AGAP9: variants seen among roughly 807,000 people sequenced by gnomAD.
The protein encoded by AGAP9 is arf-GAP with GTPase, ANK repeat and PH domain-containing protein 9.
Under a neutral mutation model 55.6 loss-of-function variants are expected in AGAP9, and 23 were observed. That is an observed-to-expected ratio of 0.41 (90% CI 0.30 to 0.59). The LOEUF (loss-of-function observed/expected upper bound fraction) is 0.59, where lower values mean the gene tolerates loss of function less well. Among genes scored for constraint, AGAP9 ranks in the 20% least tolerant of loss-of-function variants. The probability of loss-of-function intolerance (pLI) is 0.25; values close to 1 mark genes in which losing one functional copy is unlikely to be tolerated. For synonymous variants in AGAP9, 120 were observed against 305.0 expected, an observed-to-expected ratio of 0.39 and a Z score of 6.32; for missense variants, 309 against 808.1, an observed-to-expected ratio of 0.38 and a Z score of 7.49.
At position 47,511,021 on chromosome 10, in the gene AGAP9, G is replaced by C. The variant is rs1214428496; in HGVS notation, c.397-750C>G. Reference sequence around the variant, plus strand: ...TGCAGTGGCGCGATCTCGGCTCACTGCAAGCTCCGCCTCCCGGGTTCACGC... The same window carrying C: ...TGCAGTGGCGCGATCTCGGCTCACTCCAAGCTCCGCCTCCCGGGTTCACGC... On this transcript the variant is annotated intron_variant, in intron 4 of 7. Transcript: ENST00000452145. 1.6e-4 allele frequency among the ~76,000 whole-genome samples: 20 copies of C among 126,840 alleles called. 6 individuals carry two copies. Among genetic ancestry groups the C allele is most frequent in the Admixed American group, 1.5e-3 (18 of 12,232 alleles). 83.2% of individuals were successfully genotyped at this position (126,840 alleles called of 152,430 possible).
intron 5 of AGAP9, among the ~76,000 whole-genome samples, chr10:47,507,923 C>A (rs1470816557): frequency 1.2e-5 from 1 of 85,732 alleles, no homozygotes; most frequent in African/African-American, 4.6e-5. Flanking sequence ...GACCCAGAGT[C>A]TGTCTCTCTT....
At chr10:47,513,459 T>C (rs1196259023) in intron 4 of AGAP9, among the ~76,000 whole-genome samples, 7 of 142,342 alleles carry the variant, frequency 4.9e-5, no homozygotes, top group Non-Finnish European at 1.1e-4. Flanking sequence ...ATGACCATAC[T>C]GCCAAAAGCA....
Position 47,502,322 on chromosome 10 carries a change from C to T in AGAP9, c.1807G>A (p.Ala603Thr). The T allele has an allele frequency of 6.2e-7, 1 of 1,603,204 alleles. No individual in the cohort carries two copies. Among genetic ancestry groups the T allele is most frequent in the Non-Finnish European group, 8.5e-7 (1 of 1,177,590 alleles). ...RATTDEDLQTAILLLAHGSRE... is the reference protein window; with the variant it reads ...RATTDEDLQTTILLLAHGSRE... ...GAGCCATGTGCCAGCAGCAGGATGG[C>T]TGTCTGCAGGTCCTCATCAGTGGTG... Residue 603 changes from alanine to threonine, a missense_variant, in exon 8 of 8, where the codon GCC (alanine) becomes ACC (threonine). Ala to Thr is a moderately conservative substitution (Grantham distance 58). Transcript: ENST00000452145.
Position 47,502,577 on chromosome 10 carries a change from A to G in AGAP9, c.1552T>C (p.Ser518Pro), listed in dbSNP as rs1840376926. Residue 518 changes from serine to proline, a missense_variant, in exon 8 of 8, where the codon TCT (serine) becomes CCT (proline). By Grantham distance (74) the Ser-to-Pro change is moderately conservative. Coordinates refer to ENST00000452145, the MANE Select transcript of AGAP9 (RefSeq NM_001190810.1). ...ACTGGCCAGTCATCCAGCTCCAGAGATCGCACACGGGAAAGGCGGGTGCCA... is the reference window on the plus strand; with the variant it reads ...ACTGGCCAGTCATCCAGCTCCAGAGGTCGCACACGGGAAAGGCGGGTGCCA... ...SFGTRLSRVR[S>P]LELDDWPVEL... 3 of 1,609,878 alleles carry G rather than the reference A, an allele frequency of 1.9e-6. No homozygotes were observed. The African/African-American group carries it at 4.1e-5, about 22-fold the overall frequency.
At position 47,502,631 on chromosome 10, in the gene AGAP9, T is replaced by C. The variant is rs1288168751; in HGVS notation, c.1498A>G (p.Ile500Val). 1 of 1,607,282 alleles carries C rather than the reference T, an allele frequency of 6.2e-7. No individual in the cohort carries two copies. The highest frequency in any genetic ancestry group is 8.5e-7 in the Non-Finnish European group (1 of 1,178,110). Reference sequence around the variant, plus strand: ...CTGCGGTGGATACCTGAGCATTCAATACACATGAGGACTCCCAAGTTCAAA... The same window carrying C: ...CTGCGGTGGATACCTGAGCATTCAACACACATGAGGACTCCCAAGTTCAAA... Reference protein sequence around the residue: ...ASLNLGVLMCIECSGIHRSFG... With the variant: ...ASLNLGVLMCVECSGIHRSFG... Residue 500 changes from isoleucine (I) to valine (V), a missense_variant, in exon 8 of 8, where the codon ATT becomes GTT. By Grantham distance (29) the Ile-to-Val change is conservative. Coordinates refer to ENST00000452145, the MANE Select transcript of AGAP9 (RefSeq NM_001190810.1).
intron 2 of AGAP9, among the ~76,000 whole-genome samples, chr10:47,522,188 A>G (rs1315539680): frequency 1.4e-5 from 2 of 141,554 alleles, no homozygotes; most frequent in African/African-American, 5.3e-5. Context: ...GAAGTCTGAC[A>G]TTTTAACCTG....
At chr10:47,509,153 T>G (rs2132481228) in intron 5 of AGAP9, among the ~76,000 whole-genome samples, 1 of 134,612 alleles carries the variant, frequency 7.4e-6, no homozygotes, top group African/African-American at 3.1e-5. Flanking sequence ...TCAGCAAAAT[T>G]AATCTTCAAA....
At chr10:47,513,162 G>A (rs1378097044) in intron 4 of AGAP9, among the ~76,000 whole-genome samples, 1 of 149,536 alleles carries the variant, frequency 6.7e-6, no homozygotes, top group Non-Finnish European at 1.5e-5. Flanking sequence ...AGCCACCCGA[G>A]TAGATGGGAT....
At chr10:47,513,233 C>G (rs1840664922) in intron 4 of AGAP9, among the ~76,000 whole-genome samples, 1 of 146,550 alleles carries the variant, frequency 6.8e-6, no homozygotes, top group African/African-American at 2.5e-5. Flanking sequence ...TGGGGTTTCA[C>G]CATGTTGGCC....
intron 6 of AGAP9, among the ~76,000 whole-genome samples, chr10:47,506,654 T>C (rs1180119325): frequency 7.0e-6 from 1 of 142,624 alleles, no homozygotes; most frequent in Non-Finnish European, 1.5e-5. Flanking sequence ...TTTGTTTGTT[T>C]GTTTAGACAG....
At position 47,502,258 on chromosome 10, in the gene AGAP9, C is replaced by T. The variant is rs1840365895; in HGVS notation, c.1871G>A (p.Gly624Asp). 1.3e-5 allele frequency: 21 copies of T among 1,595,964 alleles called. 2 individuals are homozygous for T. Among genetic ancestry groups the T allele is most frequent in the Non-Finnish European group, 1.7e-5 (20 of 1,175,114 alleles). The change falls in exon 8 of 8, where the codon GGC (glycine) becomes GAC (aspartate). Residue 624 changes from glycine to aspartate, a missense_variant. By Grantham distance (94) the Gly-to-Asp change is moderately conservative. Transcript: ENST00000452145. ...GCAGGCCAGATGGAGTGCCGTGCAG[C>T]CGTCTCCCTCCCCACAGGTCTCGTT... ...EVNETCGEGDGCTALHLACRK... is the reference protein window; with the variant it reads ...EVNETCGEGDDCTALHLACRK...
chr10:47,501,938 T>G lies in AGAP9; in HGVS notation c.*214A>C, dbSNP rs1840358673. Reference sequence around the variant, plus strand: ...TGGTCAGAAAAATCAACATTTTGTGTATTTACTTAGTTTACGAAAAGTACT... The same window carrying G: ...TGGTCAGAAAAATCAACATTTTGTGGATTTACTTAGTTTACGAAAAGTACT... On this transcript the variant is annotated 3_prime_UTR_variant, in exon 8 of 8. Coordinates refer to ENST00000452145, the MANE Select transcript of AGAP9 (RefSeq NM_001190810.1). The G allele has an allele frequency of 4.2e-6, 5 of 1,196,112 alleles. No homozygotes were observed. Among genetic ancestry groups the G allele is most frequent in the Non-Finnish European group, 5.8e-6 (5 of 863,612 alleles). The allele number at this position is 1,196,112 out of a possible 1,614,324, so 74.1% of individuals were successfully genotyped here.
chr10:47,520,976 A>T (rs1197200596), intron 2 of AGAP9, among the ~76,000 whole-genome samples: 8 of 116,620 alleles, frequency 6.9e-5, no homozygotes, highest in African/African-American at 3.1e-4. Context: ...TATAAGATGT[A>T]TTCTAGAGTT....
intron 5 of AGAP9, among the ~76,000 whole-genome samples, chr10:47,509,949 A>G (rs1390016565): frequency 3.5e-5 from 5 of 142,526 alleles, no homozygotes; most frequent in African/African-American, 5.1e-5. Flanking sequence ...TAAAGACATC[A>G]AAAAGACACA....
At position 47,510,129 on chromosome 10, in the gene AGAP9, C is replaced by A. The variant is rs1239762061; in HGVS notation, c.497+42G>T. ...ACAACCAAATGGCTGAAATAATTTC[C>A]GAATAAAGGAATCTGTCCCTCGGCA... On this transcript the variant is annotated intron_variant, in intron 5 of 7. Coordinates refer to ENST00000452145, the MANE Select transcript of AGAP9 (RefSeq NM_001190810.1). 36 of 1,189,834 alleles carry A rather than the reference C, an allele frequency of 3.0e-5. 1 individual carries two copies. Among genetic ancestry groups the A allele is most frequent in the Non-Finnish European group, 3.6e-5 (32 of 885,006 alleles). The allele number at this position is 1,189,834 out of a possible 1,614,324, so 73.7% of individuals were successfully genotyped here. A position where few individuals can be genotyped will look rare whatever the true frequency, so the allele number is the denominator to read the frequency against.
Position 47,502,351 on chromosome 10 carries a change from C to G in AGAP9, c.1778G>C (p.Arg593Pro). 6.2e-7 allele frequency: 1 copy of G among 1,607,368 alleles called. No individual in the cohort carries two copies. Among genetic ancestry groups the G allele is most frequent in the South Asian group, 1.1e-5 (1 of 90,820 alleles). The change falls in exon 8 of 8, where the codon CGG becomes CCG. Residue 593 changes from arginine to proline, a missense_variant. Arg to Pro is a moderately radical substitution (Grantham distance 103). Coordinates refer to ENST00000452145, the MANE Select transcript of AGAP9 (RefSeq NM_001190810.1). ...CTGCAGGTCCTCATCAGTGGTGGCC[C>G]GCAGCAGCTGCTGGCCCAGGGACAG... is the stretch of plus-strand genomic sequence containing the variant. Reference protein sequence around the residue: ...TELSLGQQLLRATTDEDLQTA... With the variant: ...TELSLGQQLLPATTDEDLQTA...
chr10:47,502,356 C>T lies in AGAP9; in HGVS notation c.1773G>A (p.Leu591=). Residue 591 remains leucine (L), a synonymous_variant, in exon 8 of 8, where the codon CTG becomes CTA. Coordinates refer to ENST00000452145, the MANE Select transcript of AGAP9 (RefSeq NM_001190810.1). ...GGTCCTCATCAGTGGTGGCCCGCAGCAGCTGCTGGCCCAGGGACAGCTCAG... is the reference window on the plus strand; with the variant it reads ...GGTCCTCATCAGTGGTGGCCCGCAGTAGCTGCTGGCCCAGGGACAGCTCAG... ...PCTELSLGQQ[L]LRATTDEDLQ... The T allele has an allele frequency of 6.2e-7, 1 of 1,608,206 alleles. No individual in the cohort carries two copies. The highest frequency in any genetic ancestry group is 1.1e-5 in the South Asian group (1 of 90,846).
At chr10:47,521,979 G>T (rs1247835763) in intron 2 of AGAP9, among the ~76,000 whole-genome samples, 1 of 150,726 alleles carries the variant, frequency 6.6e-6, no homozygotes, top group Non-Finnish European at 1.5e-5. Context: ...TAGAGACAGC[G>T]TTTCACCATG....
chr10:47,506,771 G>A (rs1310889386), intron 6 of AGAP9, among the ~76,000 whole-genome samples: 1 of 144,638 alleles, frequency 6.9e-6, no homozygotes, highest in Middle Eastern at 3.3e-3. Context: ...TCCAGAATAC[G>A]TGGGACTACA....
Sources: allele counts gnomAD v4.1 joint callset (sites outside exome capture counted in the v4.1 genomes callset), GRCh38; gene constraint gnomAD v4.1.1; transcripts MANE v1.5; gene names NCBI Gene and HGNC (gene_info 2026-07-23, HGNC 2026-07-21).